Variants in NRG3 observed in about 807,000 individuals in gnomAD.
NRG3 encodes neuregulin 3.
In NRG3, 31 loss-of-function variants were observed where a neutral mutation model predicts 66.9. The ratio of observed to expected loss-of-function variants is 0.46; its 90% CI spans 0.35 to 0.63. NRG3 has a LOEUF of 0.63. Ranked by LOEUF, NRG3 falls within the 20% of genes least tolerant of loss-of-function variation. The pLI, the probability that NRG3 is intolerant of heterozygous loss-of-function variation, is 0.00. For missense variants in NRG3, 910 were observed against 878.9 expected (o/e 1.04, Z -0.45); for synonymous variants, 393 against 359.4 (o/e 1.09, Z -1.06).
intron 1 of NRG3, among the ~76,000 whole-genome samples, chr10:81,996,646 G>A (rs1170896322): frequency 6.6e-6 from 1 of 152,040 alleles, no homozygotes; most frequent in African/African-American, 2.4e-5. Flanking sequence ...GAATTCATAT[G>A]CTTACAGAGA....
intron 1 of NRG3, among the ~76,000 whole-genome samples, chr10:82,026,109 C>A (rs1455664840): frequency 6.6e-6 from 1 of 151,884 alleles, no homozygotes; most frequent in Non-Finnish European, 1.5e-5. Context: ...TCTTTTAGAG[C>A]AATTTTTTCT....
intron 1 of NRG3, among the ~76,000 whole-genome samples, chr10:82,072,984 AG>A (rs1429406419): frequency 1.3e-5 from 2 of 152,012 alleles, no homozygotes; most frequent in African/African-American, 4.8e-5. Context: ...TATGTTTCCC[AG>A]GCTGGTCTTG....
At chr10:82,833,280 A>G (rs990293339) in intron 3 of NRG3, among the ~76,000 whole-genome samples, 14 of 152,170 alleles carry the variant, frequency 9.2e-5, no homozygotes, top group African/African-American at 3.4e-4. Context: ...TTAATACAGA[A>G]CTTCAACAGA....
intron 2 of NRG3, among the ~76,000 whole-genome samples, chr10:82,490,133 T>C (rs1011121426): frequency 6.6e-6 from 1 of 152,202 alleles, no homozygotes; most frequent in Non-Finnish European, 1.5e-5. Flanking sequence ...TTAAGAAAAC[T>C]GTCATCTGAC....
intron 1 of NRG3, among the ~76,000 whole-genome samples, chr10:82,158,074 A>G (rs1175234894): frequency 6.6e-6 from 1 of 151,742 alleles, no homozygotes; most frequent in African/African-American, 2.4e-5. Context: ...AAGGTAGTTT[A>G]GAAAACATGA....
intron 1 of NRG3, among the ~76,000 whole-genome samples, chr10:82,263,494 A>G (rs2134228091): frequency 6.6e-6 from 1 of 152,328 alleles, no homozygotes; most frequent in South Asian, 2.1e-4. Flanking sequence ...TACCATTTAT[A>G]AGCATTAATT....
At chr10:82,593,852 A>G (rs1252861353) in intron 2 of NRG3, among the ~76,000 whole-genome samples, 1 of 151,838 alleles carries the variant, frequency 6.6e-6, no homozygotes, top group African/African-American at 2.4e-5. Context: ...ATGTGTATAT[A>G]TATAGTTCTT....
intron 2 of NRG3, among the ~76,000 whole-genome samples, chr10:82,482,467 G>A (rs1842352874): frequency 1.3e-5 from 2 of 152,188 alleles, no homozygotes; most frequent in Admixed American, 6.5e-5. Flanking sequence ...GATAAGAGCT[G>A]TAAGATTTGG....
At chr10:82,507,019 T>C (rs1486048157) in intron 2 of NRG3, among the ~76,000 whole-genome samples, 2 of 152,192 alleles carry the variant, frequency 1.3e-5, no homozygotes, top group East Asian at 3.9e-4. Context: ...GGACTGCTGT[T>C]CATGTCAAAA....
intron 1 of NRG3, among the ~76,000 whole-genome samples, chr10:82,171,729 T>C (rs1419860892): frequency 6.6e-6 from 1 of 152,052 alleles, no homozygotes; most frequent in African/African-American, 2.4e-5. Flanking sequence ...ATAACCAAAA[T>C]TGCTTCATGA....
Position 82,823,850 on chromosome 10 carries a change from C to T in NRG3, c.1028-41561C>T, listed in dbSNP as rs776659985. ...TTTTTTTTAATTGACGTATAATTCA[C>T]GCATTATAAAATACATCCATTTAAA... is the stretch of plus-strand genomic sequence containing the variant. On this transcript the variant is annotated intron_variant, in intron 3 of 8. Coordinates refer to ENST00000372141, the MANE Select transcript of NRG3 (RefSeq NM_001010848.4). Among the ~76,000 whole-genome samples the T allele has an allele frequency of 9.2e-5, 14 of 152,072 alleles. No individual in the cohort carries two copies. The South Asian group carries it at 1.7e-3, about 18-fold the overall frequency.
chr10:82,682,107 T>A (rs1184400763), intron 2 of NRG3, among the ~76,000 whole-genome samples: 1 of 152,182 alleles, frequency 6.6e-6, no homozygotes, highest in Non-Finnish European at 1.5e-5. Context: ...ATTTGGAGAA[T>A]AAAAGGTTCA....
At chr10:82,466,402 T>C (rs1840682601) in intron 2 of NRG3, among the ~76,000 whole-genome samples, 1 of 152,172 alleles carries the variant, frequency 6.6e-6, no homozygotes, top group Non-Finnish European at 1.5e-5. Context: ...TGATGGATTA[T>C]GTTGGGTGGA....
intron 1 of NRG3, among the ~76,000 whole-genome samples, chr10:82,236,622 C>T (rs1003587108): frequency 1.3e-5 from 2 of 151,962 alleles, no homozygotes; most frequent in Admixed American, 1.3e-4. Flanking sequence ...ATCTGTTTAA[C>T]CCAAACTATG....
intron 4 of NRG3, among the ~76,000 whole-genome samples, chr10:82,907,742 T>G (rs1455874841): frequency 6.6e-6 from 1 of 152,204 alleles, no homozygotes; most frequent in Non-Finnish European, 1.5e-5. Flanking sequence ...TCCACAGGTA[T>G]TTTTTAAGCA....
At chr10:82,420,417 T>A (rs541905653) in intron 2 of NRG3, among the ~76,000 whole-genome samples, 1 of 152,198 alleles carries the variant, frequency 6.6e-6, no homozygotes, top group Non-Finnish European at 1.5e-5. Context: ...AAAGAACAAA[T>A]GAACCAAGTG....
chr10:82,470,760 C>T (rs1241513993), intron 2 of NRG3, among the ~76,000 whole-genome samples: 2 of 152,186 alleles, frequency 1.3e-5, no homozygotes, highest in African/African-American at 4.8e-5. Flanking sequence ...GCTCAGCAAT[C>T]CTTTTGCCCA....
At chr10:82,016,278 G>A (rs1174358950) in intron 1 of NRG3, among the ~76,000 whole-genome samples, 2 of 152,048 alleles carry the variant, frequency 1.3e-5, no homozygotes, top group Non-Finnish European at 2.9e-5. Flanking sequence ...TAGCTGAGTG[G>A]TTAGCCGATT....
chr10:82,533,935 CAA>C (rs1165201986), intron 2 of NRG3, among the ~76,000 whole-genome samples: 3 of 151,972 alleles, frequency 2.0e-5, no homozygotes, highest in African/African-American at 7.2e-5. Context: ...AAACCATATC[CAA>C]AAATTAGTTG....
Sources: gnomAD v4.1 joint callset for allele counts (sites outside exome capture counted in the v4.1 genomes callset) on GRCh38, gnomAD v4.1.1 for gene constraint, MANE v1.5 for transcripts, NCBI Gene and HGNC (gene_info 2026-07-23, HGNC 2026-07-21) for gene names.